The following VRK2 variants were observed in gnomAD, a reference collection of about 807,000 sequenced individuals.
VRK2 encodes the protein VRK serine/threonine kinase 2.
VRK2 carries 60 observed loss-of-function variants against 57.6 expected under a neutral mutation model. The observed-to-expected ratio is 1.04, with a 90% CI of 0.85 to 1.29. The LOEUF (loss-of-function observed/expected upper bound fraction) is 1.29, where lower values mean the gene tolerates loss of function less well. Among genes scored for constraint, VRK2 ranks in the 50% most tolerant of loss-of-function variants. The probability of loss-of-function intolerance (pLI) is 0.00; values close to 1 mark genes in which losing one functional copy is unlikely to be tolerated. For synonymous variants in VRK2, 231 were observed against 199.2 expected, an observed-to-expected ratio of 1.16 and a Z score of -1.35; for missense variants, 705 against 588.1, an observed-to-expected ratio of 1.20 and a Z score of -2.06.
chr2:58,156,896 TGTAGTA>T (rs932926513), intron 12 of VRK2, among the ~76,000 whole-genome samples: 1 of 152,350 alleles, frequency 6.6e-6, no homozygotes, highest in South Asian at 2.1e-4. Context: ...GCATCTCATT[TGTAGTA>T]GTTTTATTGT....
intron 2 of VRK2, among the ~76,000 whole-genome samples, chr2:58,057,080 A>G (rs1676633650): frequency 6.6e-6 from 1 of 152,110 alleles, no homozygotes; most frequent in Non-Finnish European, 1.5e-5. Context: ...GTTTCCCCCA[A>G]CATGTGTGCA....
chr2:58,110,664 G>A (rs1573159592), intron 7 of VRK2, among the ~76,000 whole-genome samples: 1 of 152,142 alleles, frequency 6.6e-6, no homozygotes, highest in African/African-American at 2.4e-5. Flanking sequence ...TTGGAGGCAG[G>A]AAATCTAATG....
At chr2:57,933,590 A>T (rs1176028588) in intron 1 of VRK2, among the ~76,000 whole-genome samples, 1 of 151,210 alleles carries the variant, frequency 6.6e-6, no homozygotes, top group Non-Finnish European at 1.5e-5. Flanking sequence ...TTACAGGCAT[A>T]AGCCACCACC....
At chr2:58,130,801 C>G (rs1330293854) in intron 8 of VRK2, among the ~76,000 whole-genome samples, 1 of 151,986 alleles carries the variant, frequency 6.6e-6, no homozygotes, top group Admixed American at 6.6e-5. Flanking sequence ...AATGTAAATA[C>G]CAGCCTATTG....
intron 2 of VRK2, among the ~76,000 whole-genome samples, chr2:58,053,969 CAG>C (rs1676136077): frequency 6.6e-6 from 1 of 152,032 alleles, no homozygotes. Context: ...AAACTCAAAA[CAG>C]GGAAGGAATC....
rs1040189054 is a variant in VRK2, at chr2:58,142,169, C to T, written c.1023+2337C>T. 7.9e-5 allele frequency among the ~76,000 whole-genome samples: 12 copies of T among 151,952 alleles called. No individual in the cohort carries two copies. In the East Asian group the frequency reaches 2.1e-3, roughly 27 times the overall value. ...AAGGGAAAAAAGTTGTAACTGTTTA[C>T]ATTTTTAAATGTTATTTTGCTAATA... On this transcript the variant is annotated intron_variant, in intron 11 of 12. Transcript: ENST00000340157.
chr2:58,116,636 A>G (rs1676542282), intron 7 of VRK2, among the ~76,000 whole-genome samples: 1 of 152,164 alleles, frequency 6.6e-6, no homozygotes, highest in South Asian at 2.1e-4. Context: ...AAAGCTCAGC[A>G]TCCGTGATGG....
rs115724284 is a variant in VRK2, at chr2:57,954,465, G to A, written c.-439+46626G>A. On this transcript the variant is annotated intron_variant, in intron 1 of 15. Transcript: ENST00000417641. ...GACTCAATTCAACATGTTGTTTCTTGACTCCTACCAGTCTAATGTTTTCTT... is the reference window on the plus strand; with the variant it reads ...GACTCAATTCAACATGTTGTTTCTTAACTCCTACCAGTCTAATGTTTTCTT... 8.8e-3 allele frequency among the ~76,000 whole-genome samples: 1,344 copies of A among 152,104 alleles called. 27 individuals carry two copies. The highest frequency in any genetic ancestry group is 0.03 in the African/African-American group (1,227 of 41,526).
At chr2:58,159,314 T>TAACA in intron 12 of VRK2, 35 bp from the exon 13 acceptor site, 1 of 1,506,606 alleles carries the variant, frequency 6.6e-7, no homozygotes, top group Non-Finnish European at 9.0e-7. Flanking sequence ...AACTCACGTC[T>TAACA]AACAAACTAA....
chr2:58,107,391 A>G (rs577931930), intron 7 of VRK2, among the ~76,000 whole-genome samples: 7 of 152,142 alleles, frequency 4.6e-5, no homozygotes, highest in Admixed American at 2.6e-4. Flanking sequence ...ATTCAGTTTC[A>G]AGGTCTTCTC....
At chr2:57,962,255 T>C (rs896110419) in intron 1 of VRK2, among the ~76,000 whole-genome samples, 3 of 152,100 alleles carry the variant, frequency 2.0e-5, no homozygotes, top group African/African-American at 7.2e-5. Flanking sequence ...GTTAATATTT[T>C]CCTTTTCAAA....
At chr2:58,075,120 T>C (rs1413520908) in intron 2 of VRK2, among the ~76,000 whole-genome samples, 3 of 152,072 alleles carry the variant, frequency 2.0e-5, no homozygotes, top group Non-Finnish European at 4.4e-5. Flanking sequence ...GTTTTCCTTC[T>C]GCTTATAAGT....
intron 11 of VRK2, among the ~76,000 whole-genome samples, chr2:58,142,288 T>C (rs2104622988): frequency 6.6e-6 from 1 of 151,682 alleles, no homozygotes; most frequent in East Asian, 1.9e-4. Flanking sequence ...CCTAAGAATC[T>C]CACCAAACTT....
At chr2:57,922,662 A>T (rs1670391977) in intron 1 of VRK2, among the ~76,000 whole-genome samples, 1 of 151,870 alleles carries the variant, frequency 6.6e-6, no homozygotes, top group Non-Finnish European at 1.5e-5. Flanking sequence ...AGATATTTTG[A>T]TACAAGCATA....
intron 1 of VRK2, among the ~76,000 whole-genome samples, chr2:57,911,840 T>C (rs998609987): frequency 3.9e-5 from 6 of 152,308 alleles, no homozygotes; most frequent in Admixed American, 3.9e-4. Context: ...TGTTGTACTT[T>C]TTAGGACCTA....
At chr2:58,016,463 C>T (rs1216047572) in intron 1 of VRK2, among the ~76,000 whole-genome samples, 1 of 152,176 alleles carries the variant, frequency 6.6e-6, no homozygotes, top group Non-Finnish European at 1.5e-5. Context: ...AAGGATTCTC[C>T]TGCCTCAGCC....
At chr2:58,041,800 C>A (rs1321890801), upstream of VRK2, among the ~76,000 whole-genome samples, 1 of 152,114 alleles carries the variant, frequency 6.6e-6, no homozygotes, top group Non-Finnish European at 1.5e-5. Flanking sequence ...TAAACTAATA[C>A]CCTTGGTCTC....
chr2:57,943,758 G>A (rs763044747), intron 1 of VRK2, among the ~76,000 whole-genome samples: 8 of 152,180 alleles, frequency 5.3e-5, no homozygotes, highest in Non-Finnish European at 1.2e-4. Flanking sequence ...GAAAGGGTAA[G>A]GCATAGTTTG....
chr2:57,996,563 G>C (rs1052252482), intron 1 of VRK2, among the ~76,000 whole-genome samples: 12 of 152,290 alleles, frequency 7.9e-5, no homozygotes, highest in Middle Eastern at 6.8e-3. Context: ...GTCTTGAGGA[G>C]AATATAGAGA....
Sources: allele counts gnomAD v4.1 joint callset (sites outside exome capture counted in the v4.1 genomes callset), GRCh38; gene constraint gnomAD v4.1.1; transcripts MANE v1.5; gene names NCBI Gene and HGNC (gene_info 2026-07-23, HGNC 2026-07-21).